SMOC2: variants seen among roughly 807,000 people sequenced by gnomAD.
The protein encoded by SMOC2 is SPARC related modular calcium binding 2, also known as SPARC-related modular calcium-binding protein 2.
Under a neutral mutation model 61.4 loss-of-function variants are expected in SMOC2, and 39 were observed. The ratio of observed to expected loss-of-function variants is 0.64; its 90% CI spans 0.49 to 0.83. SMOC2 has a LOEUF of 0.83. Ranked by LOEUF, SMOC2 falls within the 40% of genes least tolerant of loss-of-function variation. The pLI is 0.00. For missense variants in SMOC2, 556 were observed against 592.9 expected (o/e 0.94, Z 0.65); for synonymous variants, 247 against 239.9 (o/e 1.03, Z -0.27).
chr6:168,498,559 G>A (rs2115039469), intron 1 of SMOC2, among the ~76,000 whole-genome samples: 1 of 152,354 alleles, frequency 6.6e-6, no homozygotes, highest in South Asian at 2.1e-4. Flanking sequence ...CTGTGTCCCT[G>A]GAATGGTAGG....
chr6:168,563,167 G>A (rs1784461221), intron 7 of SMOC2, among the ~76,000 whole-genome samples: 1 of 152,222 alleles, frequency 6.6e-6, no homozygotes, highest in Non-Finnish European at 1.5e-5. Flanking sequence ...TCTGCATGGT[G>A]TGGATCCTGT....
intron 1 of SMOC2, among the ~76,000 whole-genome samples, chr6:168,481,243 A>G (rs1782199410): frequency 6.6e-6 from 1 of 152,120 alleles, no homozygotes; most frequent in Non-Finnish European, 1.5e-5. Flanking sequence ...TTTGAGACTA[A>G]TACACTTAAA....
intron 1 of SMOC2, among the ~76,000 whole-genome samples, chr6:168,474,106 G>A (rs1376444172): frequency 6.6e-6 from 1 of 152,150 alleles, no homozygotes; most frequent in African/African-American, 2.4e-5. Context: ...GTTCATCCGT[G>A]CATTGATGGA....
intron 9 of SMOC2, among the ~76,000 whole-genome samples, chr6:168,639,480 C>T (rs914334556): frequency 2.0e-5 from 3 of 152,154 alleles, no homozygotes; most frequent in African/African-American, 7.2e-5. Context: ...ACCGTCAACT[C>T]CAATATTTGT....
chr6:168,591,791 A>C (rs1785187049), intron 7 of SMOC2, among the ~76,000 whole-genome samples: 2 of 151,808 alleles, frequency 1.3e-5, no homozygotes, highest in Non-Finnish European at 2.9e-5. Flanking sequence ...ATTATATGAG[A>C]AAATGATGTA....
At chr6:168,571,639 C>T (rs1409654193) in intron 7 of SMOC2, among the ~76,000 whole-genome samples, 1 of 152,160 alleles carries the variant, frequency 6.6e-6, no homozygotes, top group Non-Finnish European at 1.5e-5. Flanking sequence ...TTGGTAGGGA[C>T]ACTTCCATGA....
Position 168,653,196 on chromosome 6 carries a change from AGGACG to A in SMOC2, c.1255_1259del (p.Asp419GlnfsTer15). On this transcript the variant is annotated frameshift_variant, in exon 11 of 13. Transcript: ENST00000356284. LOFTEE classifies it high-confidence loss of function. ...ATGGGCTGCCTGGGCGTGGCGAAAG[AGGACG>A]GCAAAGCGGACACCAAGAAACGCCA... 1.9e-6 allele frequency: 3 copies of A among 1,614,060 alleles called. No homozygotes were observed. Among genetic ancestry groups the A allele is most frequent in the Non-Finnish European group, 2.5e-6 (3 of 1,179,954 alleles).
At chr6:168,571,546 G>C (rs1784666249) in intron 7 of SMOC2, among the ~76,000 whole-genome samples, 1 of 152,226 alleles carries the variant, frequency 6.6e-6, no homozygotes, top group African/African-American at 2.4e-5. Flanking sequence ...GGTGTGTATG[G>C]TTCTGTTTAG....
chr6:168,484,454 A>AG lies in SMOC2; in HGVS notation c.85-25459dup, dbSNP rs1782283799. Among the ~76,000 whole-genome samples, 3 of 152,336 alleles carry AG rather than the reference A, an allele frequency of 2.0e-5. No homozygotes were observed. The South Asian group carries it at 6.2e-4, about 32-fold the overall frequency. On this transcript the variant is annotated intron_variant, in intron 1 of 12. Coordinates refer to ENST00000356284, the MANE Select transcript of SMOC2 (RefSeq NM_001166412.2). Reference sequence around the variant, plus strand: ...AAACAGAAAATAACAAATGTTAGCAAGGATGTGGAGAAATTGGAACGTTTG... The same window carrying AG: ...AAACAGAAAATAACAAATGTTAGCAAGGGATGTGGAGAAATTGGAACGTTTG...
Position 168,543,679 on chromosome 6 carries a change from A to C in SMOC2, c.511+7A>C. 1 of 1,612,328 alleles carries C rather than the reference A, an allele frequency of 6.2e-7. No homozygotes were observed. The highest frequency in any genetic ancestry group is 8.5e-7 in the Non-Finnish European group (1 of 1,178,422). On this transcript the variant is annotated splice_region_variant and intron_variant, in intron 5 of 12. Coordinates refer to ENST00000356284, the MANE Select transcript of SMOC2 (RefSeq NM_001166412.2). ...GAAGGCACAGGAAAAACAGGTAACT[A>C]TCTTAGAATAAATGTCTATGACGAT...
chr6:168,575,551 C>T (rs994452922), intron 7 of SMOC2, among the ~76,000 whole-genome samples: 9 of 152,154 alleles, frequency 5.9e-5, no homozygotes, highest in South Asian at 2.1e-4. Context: ...GGGAGCTCCT[C>T]GCAGGGGGTG....
intron 1 of SMOC2, among the ~76,000 whole-genome samples, chr6:168,447,707 G>A: frequency 6.6e-6 from 1 of 152,110 alleles, no homozygotes; most frequent in East Asian, 1.9e-4. Flanking sequence ...GATGGCCTGT[G>A]GTGTGTTTGA....
At chr6:168,564,980 C>T (rs918411931) in intron 7 of SMOC2, among the ~76,000 whole-genome samples, 29 of 152,190 alleles carry the variant, frequency 1.9e-4, no homozygotes, top group African/African-American at 6.0e-4. Context: ...GTAAAAGTAA[C>T]ATCAACAGCA....
At chr6:168,624,929 A>G (rs1786360069) in intron 9 of SMOC2, among the ~76,000 whole-genome samples, 1 of 151,916 alleles carries the variant, frequency 6.6e-6, no homozygotes, top group African/African-American at 2.4e-5. Context: ...ACACATCCCC[A>G]CACACAGACA....
intron 1 of SMOC2, among the ~76,000 whole-genome samples, chr6:168,491,988 C>T (rs115489722): frequency 2.0e-3 from 299 of 152,308 alleles, no homozygotes; most frequent in African/African-American, 6.7e-3. Flanking sequence ...TTCATTTTCT[C>T]ACTTTAGAAG....
At chr6:168,620,363 G>A (rs1443254039) in intron 9 of SMOC2, among the ~76,000 whole-genome samples, 2 of 152,108 alleles carry the variant, frequency 1.3e-5, no homozygotes, top group Non-Finnish European at 2.9e-5. Context: ...TTGCATAGGT[G>A]GTGCTTGCCA....
chr6:168,591,126 T>C (rs1235905782), intron 7 of SMOC2, among the ~76,000 whole-genome samples: 2 of 152,228 alleles, frequency 1.3e-5, no homozygotes, highest in East Asian at 3.8e-4. Flanking sequence ...AAACAACACT[T>C]ATAGAAGTAA....
chr6:168,524,916 G>T (rs1302411852), intron 2 of SMOC2, among the ~76,000 whole-genome samples: 2 of 152,256 alleles, frequency 1.3e-5, no homozygotes, highest in African/African-American at 4.8e-5. Flanking sequence ...GAGCCTGTAG[G>T]AGCCCGCTGT....
intron 9 of SMOC2, among the ~76,000 whole-genome samples, chr6:168,631,576 T>G (rs1339531630): frequency 2.0e-5 from 3 of 152,244 alleles, no homozygotes; most frequent in Non-Finnish European, 2.9e-5. Flanking sequence ...GATTGGCAAC[T>G]AATAAAACTA....
Sources: gnomAD v4.1 joint callset for allele counts (sites outside exome capture counted in the v4.1 genomes callset) on GRCh38, gnomAD v4.1.1 for gene constraint, MANE v1.5 for transcripts, NCBI Gene and HGNC (gene_info 2026-07-23, HGNC 2026-07-21) for gene names.